The following SYNPR variants were observed in gnomAD, a reference collection of about 807,000 sequenced individuals.
SYNPR encodes the protein synaptoporin.
In SYNPR, 23 loss-of-function variants were observed where a neutral mutation model predicts 32.9. The observed-to-expected ratio is 0.70, with a 90% CI of 0.50 to 0.99. The LOEUF (loss-of-function observed/expected upper bound fraction) is 0.99. Among genes scored for constraint, SYNPR ranks in the 50% least tolerant of loss-of-function variants. The pLI is 0.00. For missense variants in SYNPR, 318 were observed against 349.3 expected, an observed-to-expected ratio of 0.91 and a Z score of 0.71; for synonymous variants, 146 against 135.9, an observed-to-expected ratio of 1.07 and a Z score of -0.52.
intron 2 of SYNPR, among the ~76,000 whole-genome samples, chr3:63,353,978 G>C (rs2087543048): frequency 6.6e-6 from 1 of 152,192 alleles, no homozygotes; most frequent in Admixed American, 6.5e-5. Context: ...GAGAAACACA[G>C]ATTCTGAAAT....
intron 2 of SYNPR, among the ~76,000 whole-genome samples, chr3:63,365,033 C>T (rs2087714951): frequency 6.6e-6 from 1 of 152,010 alleles, no homozygotes; most frequent in South Asian, 2.1e-4. Flanking sequence ...AAACAACCTG[C>T]ACAAGTCCAC....
intron 2 of SYNPR, among the ~76,000 whole-genome samples, chr3:63,421,599 G>A (rs988194123): frequency 6.6e-6 from 1 of 152,136 alleles, no homozygotes; most frequent in Non-Finnish European, 1.5e-5. Flanking sequence ...ATTTCCAATT[G>A]TTGCATATTA....
intron 2 of SYNPR, among the ~76,000 whole-genome samples, chr3:63,337,502 A>G (rs1470565473): frequency 7.2e-5 from 11 of 152,156 alleles, no homozygotes; most frequent in African/African-American, 1.9e-4. Context: ...ATAGAGCAAT[A>G]CTTCTAGATA....
chr3:63,266,600 G>A (rs9868077), intron 2 of SYNPR, among the ~76,000 whole-genome samples: 116,387 of 151,290 alleles, frequency 0.77, 45,723 homozygotes, highest in Non-Finnish European at 0.85. Context: ...CCAGCTACTC[G>A]GGAAGCTGAG....
At chr3:63,404,720 A>G (rs1174886325) in intron 2 of SYNPR, among the ~76,000 whole-genome samples, 1 of 152,178 alleles carries the variant, frequency 6.6e-6, no homozygotes, top group African/African-American at 2.4e-5. Flanking sequence ...TCATAGGATT[A>G]ATATTTGTTA....
intron 2 of SYNPR, among the ~76,000 whole-genome samples, chr3:63,462,297 T>G (rs1413101196): frequency 2.6e-5 from 4 of 152,158 alleles, no homozygotes; most frequent in Non-Finnish European, 4.4e-5. Context: ...TAATTTCCTT[T>G]ATCACAATTT....
chr3:63,474,597 T>C (rs1196129963), intron 2 of SYNPR, among the ~76,000 whole-genome samples: 2 of 151,802 alleles, frequency 1.3e-5, no homozygotes, highest in Non-Finnish European at 2.9e-5. Flanking sequence ...AGGCAGTATG[T>C]TCATAGCTTG....
chr3:63,286,616 A>C (rs2086685564), intron 2 of SYNPR, among the ~76,000 whole-genome samples: 2 of 152,238 alleles, frequency 1.3e-5, no homozygotes, highest in South Asian at 4.1e-4. Context: ...ATGTGCTAGT[A>C]GAAGAAAAGT....
rs185163846 is a variant in SYNPR at position 63,493,684 on chromosome 3, C to T, written c.209+12728C>T. ...TACAAAAATTAGCCAGGCATGGTGGCGCACACCTGTAGTCCCAGCTACTTG... is the reference window on the plus strand; with the variant it reads ...TACAAAAATTAGCCAGGCATGGTGGTGCACACCTGTAGTCCCAGCTACTTG... On this transcript the variant is annotated intron_variant, in intron 3 of 5. Transcript: ENST00000478300. 1.6e-3 allele frequency among the ~76,000 whole-genome samples: 239 copies of T among 151,922 alleles called. 1 individual carries two copies. Among genetic ancestry groups the T allele is most frequent in the African/African-American group, 4.3e-3 (177 of 41,406 alleles).
intron 3 of SYNPR, among the ~76,000 whole-genome samples, chr3:63,538,124 G>A (rs1367359977): frequency 1.3e-5 from 2 of 151,986 alleles, no homozygotes; most frequent in East Asian, 3.9e-4. Context: ...AGACAAAAAG[G>A]ATTAATAATT....
chr3:63,373,636 C>A (rs1215539815), intron 2 of SYNPR, among the ~76,000 whole-genome samples: 1 of 152,098 alleles, frequency 6.6e-6, no homozygotes, highest in Non-Finnish European at 1.5e-5. Flanking sequence ...GGGAAGAAAG[C>A]AGGCAACTTG....
intron 2 of SYNPR, among the ~76,000 whole-genome samples, chr3:63,472,392 T>A (rs1321299700): frequency 2.6e-5 from 4 of 152,172 alleles, no homozygotes; most frequent in Non-Finnish European, 5.9e-5. Context: ...TACTTTAGGA[T>A]GTTGTTGAGA....
At chr3:63,284,392 A>G (rs1393868870) in intron 2 of SYNPR, among the ~76,000 whole-genome samples, 1 of 152,166 alleles carries the variant, frequency 6.6e-6, no homozygotes, top group East Asian at 1.9e-4. Flanking sequence ...CTGCAGCCCT[A>G]GATTCTGTGC....
At chr3:63,522,598 TCA>T (rs900997499) in intron 3 of SYNPR, among the ~76,000 whole-genome samples, 1 of 152,160 alleles carries the variant, frequency 6.6e-6, no homozygotes, top group Non-Finnish European at 1.5e-5. Flanking sequence ...GCAATAGACT[TCA>T]GTTATTTTTG....
chr3:63,275,103 A>G (rs887768499), upstream of SYNPR, among the ~76,000 whole-genome samples: 4 of 152,232 alleles, frequency 2.6e-5, no homozygotes, highest in African/African-American at 9.6e-5. Context: ...TCCTTCATCT[A>G]TCATGATAGA....
At chr3:63,490,888 C>G (rs1701246403) in intron 3 of SYNPR, among the ~76,000 whole-genome samples, 1 of 152,034 alleles carries the variant, frequency 6.6e-6, no homozygotes. Context: ...CTCAGCCTCC[C>G]AAGTAGCTGA....
intron 2 of SYNPR, among the ~76,000 whole-genome samples, chr3:63,258,703 G>T (rs911763913): frequency 6.6e-6 from 1 of 151,804 alleles, no homozygotes; most frequent in African/African-American, 2.4e-5. Flanking sequence ...CTAGCAGAAG[G>T]CAAGAAATAA....
intron 2 of SYNPR, among the ~76,000 whole-genome samples, chr3:63,446,291 T>G (rs1458412108): frequency 5.9e-5 from 9 of 151,946 alleles, no homozygotes; most frequent in Admixed American, 2.0e-4. Flanking sequence ...TTTTTTTTTT[T>G]TTTTTAATTT....
intron 3 of SYNPR, among the ~76,000 whole-genome samples, chr3:63,483,823 T>C (rs1410218992): frequency 6.6e-6 from 1 of 152,180 alleles, no homozygotes; most frequent in East Asian, 1.9e-4. Context: ...ATAAAAGCAT[T>C]GCTTATGCTT....
Sources: gnomAD v4.1 joint callset for allele counts (sites outside exome capture counted in the v4.1 genomes callset) on GRCh38, gnomAD v4.1.1 for gene constraint, MANE v1.5 for transcripts, NCBI Gene and HGNC (gene_info 2026-07-23, HGNC 2026-07-21) for gene names.